MCM8: variants seen among roughly 807,000 people sequenced by gnomAD.
MCM8 encodes the protein DNA helicase MCM8.
MCM8 carries 85 observed loss-of-function variants against 98.9 expected under a neutral mutation model. The ratio of observed to expected loss-of-function variants is 0.86; its 90% CI spans 0.72 to 1.03. The LOEUF (loss-of-function observed/expected upper bound fraction) is 1.03. Among genes scored for constraint, MCM8 ranks in the 50% least tolerant of loss-of-function variants. MCM8 has a pLI of 0.00. For synonymous variants in MCM8, 352 were observed against 338.6 expected (o/e 1.04, Z -0.44); for missense variants, 951 against 997.8 (o/e 0.95, Z 0.63).
At chr20:5,994,208 C>A in intron 18 of MCM8, 91 bp from the exon 19 acceptor site, 1 of 689,188 alleles carries the variant, frequency 1.5e-6, no homozygotes, top group Non-Finnish European at 2.3e-6. Context: ...AGAAACTTTA[C>A]AGGTACATAT....
chr20:5,986,040 A>G lies in MCM8; in HGVS notation c.2072A>G (p.Asp691Gly), dbSNP rs1568597076. The change falls in exon 16 of 19, where the codon GAT becomes GGT. Residue 691 changes from aspartate to glycine, a missense_variant. By Grantham distance (94) the Asp-to-Gly change is moderately conservative. Transcript: ENST00000610722. Reference protein sequence around the residue: ...LSTEAARVLQDFYLELRKQSQ... With the variant: ...LSTEAARVLQGFYLELRKQSQ... ...ACAGAAGCTGCTCGAGTTCTTCAAG[A>G]TTTTTACCTTGAGCTCCGGAAACAG... 5 of 1,614,086 alleles carry G rather than the reference A, an allele frequency of 3.1e-6. No homozygotes were observed. In the African/African-American group the frequency reaches 5.3e-5, roughly 17 times the overall value.
rs1159217180 is a variant in MCM8 at position 5,958,746 on chromosome 20, C to T, written c.789+20C>T. On this transcript the variant is annotated intron_variant, in intron 7 of 18. Coordinates refer to ENST00000610722, the MANE Select transcript of MCM8 (RefSeq NM_032485.6). ...ACAAAGGTAATACGTTCTTTAACTG[C>T]TTCTTTATTTATCTTGGTAAAGAAG... The T allele has an allele frequency of 6.2e-7, 1 of 1,602,552 alleles. No homozygotes were observed. The highest frequency in any genetic ancestry group is 1.3e-5 in the African/African-American group (1 of 74,516).
rs574312613 is a variant in MCM8 at position 5,975,114 on chromosome 20, C to A, written c.1395+1918C>A. Reference sequence around the variant, plus strand: ...TCTCTACAAAAAAGAAAACAATTAGCTGGGCATGGTGGCGCACACCTGTAG... The same window carrying A: ...TCTCTACAAAAAAGAAAACAATTAGATGGGCATGGTGGCGCACACCTGTAG... On this transcript the variant is annotated intron_variant, in intron 12 of 18. Transcript: ENST00000610722. 3.9e-4 allele frequency among the ~76,000 whole-genome samples: 59 copies of A among 152,272 alleles called. 1 individual carries two copies. Among genetic ancestry groups the A allele is most frequent in the African/African-American group, 1.3e-3 (53 of 41,538 alleles).
At position 5,972,614 on chromosome 20, in the gene MCM8, G is replaced by T. The variant is rs370800757; in HGVS notation, c.1255-442G>T. On this transcript the variant is annotated intron_variant, in intron 11 of 18. Transcript: ENST00000610722. ...CTGTCGCCCAGGCTAGAGTACAGTG[G>T]TGCGATCTCAGCTCACTGCAACCTC... 4,268 of 469,694 alleles carry T rather than the reference G, an allele frequency of 9.1e-3. 208 individuals carry two copies. Among genetic ancestry groups the T allele is most frequent in the South Asian group, 0.064 (4,148 of 64,314 alleles). The allele number at this position is 469,694 out of a possible 1,614,324, so 29.1% of individuals were successfully genotyped here.
chr20:5,963,446 GT>G, intron 8 of MCM8, 87 bp downstream of exon 8: 1 of 934,226 alleles, frequency 1.1e-6, no homozygotes. Context: ...TATATTGTAC[GT>G]TTTATCTAAA....
chr20:5,972,573 G>T, intron 11 of MCM8: 2 of 338,894 alleles, frequency 5.9e-6, no homozygotes, highest in East Asian at 9.8e-5. Context: ...TTATTTTTTT[G>T]AGATGGAGTC....
At chr20:5,951,947 CA>C (rs1339446387) in intron 1 of MCM8, 63 bp from the exon 2 acceptor site, 1 of 1,512,030 alleles carries the variant, frequency 6.6e-7, no homozygotes, top group African/African-American at 1.4e-5. Flanking sequence ...TTTATTAATA[CA>C]TTTTTAAGAG....
At position 5,957,199 on chromosome 20, in the gene MCM8, CAATGGTA is replaced by C; in HGVS notation, c.565_571del (p.Val189CysfsTer14). 2 of 1,613,318 alleles carry C rather than the reference CAATGGTA, an allele frequency of 1.2e-6. No individual in the cohort carries two copies. The highest frequency in any genetic ancestry group is 2.2e-5 in the South Asian group (2 of 91,018). On this transcript the variant is annotated frameshift_variant, in exon 6 of 19. Coordinates refer to ENST00000610722, the MANE Select transcript of MCM8 (RefSeq NM_032485.6). LOFTEE classifies it high-confidence loss of function. ...GAAGGATTGTCTAATGATGGAGAAACAATGGTAAATGTGCCACATATTCATGCAAGGT... is the reference window on the plus strand; with the variant it reads ...GAAGGATTGTCTAATGATGGAGAAACAATGTGCCACATATTCATGCAAGGT...
chr20:5,961,956 C>A (rs1414393293), intron 7 of MCM8, among the ~76,000 whole-genome samples: 3 of 152,172 alleles, frequency 2.0e-5, no homozygotes, highest in Non-Finnish European at 4.4e-5. Context: ...GAAAATAAAG[C>A]CAATCATTTT....
intron 8 of MCM8, among the ~76,000 whole-genome samples, chr20:5,963,797 A>G (rs767123784): frequency 2.0e-5 from 3 of 152,096 alleles, no homozygotes; most frequent in Admixed American, 2.0e-4. Context: ...CAGCCTCCCA[A>G]AGTGCTGGGA....
intron 7 of MCM8, among the ~76,000 whole-genome samples, chr20:5,962,779 T>C (rs2089182098): frequency 6.6e-6 from 1 of 152,228 alleles, no homozygotes; most frequent in Non-Finnish European, 1.5e-5. Context: ...AATTTATAAA[T>C]GCTTCTTGAG....
At chr20:5,954,050 A>G (rs1308650164) in intron 3 of MCM8, among the ~76,000 whole-genome samples, 3 of 152,194 alleles carry the variant, frequency 2.0e-5, no homozygotes, top group African/African-American at 7.2e-5. Context: ...ATGGAGTTCA[A>G]GAGGTGCCTT....
chr20:5,980,978 AC>A (rs2067053064), intron 13 of MCM8, among the ~76,000 whole-genome samples: 1 of 152,150 alleles, frequency 6.6e-6, no homozygotes, highest in Non-Finnish European at 1.5e-5. Context: ...GTGTTTTAGT[AC>A]AGTCCACAAG....
At position 5,977,984 on chromosome 20, in the gene MCM8, T is replaced by A; in HGVS notation, c.1504T>A (p.Leu502Met). The A allele has an allele frequency of 3.1e-6, 5 of 1,614,216 alleles. No individual in the cohort carries two copies. The highest frequency in any genetic ancestry group is 4.2e-6 in the Non-Finnish European group (5 of 1,180,040). Reference sequence around the variant, plus strand: ...AGATAGTTCCTCTGGAGATTTTGCTTTGGAAGCTGGTGCCCTGGTACTTGG... The same window carrying A: ...AGATAGTTCCTCTGGAGATTTTGCTATGGAAGCTGGTGCCCTGGTACTTGG... The part of the protein sequence containing the change: ...SKDSSSGDFA[L>M]EAGALVLGDQ... The change falls in exon 13 of 19, where the codon TTG becomes ATG. Residue 502 changes from leucine (L) to methionine (M), a missense_variant. Physicochemically the swap from Leu to Met is conservative, Grantham distance 15. Coordinates refer to ENST00000610722, the MANE Select transcript of MCM8 (RefSeq NM_032485.6).
chr20:5,956,547 C>T (rs973895457), intron 5 of MCM8, among the ~76,000 whole-genome samples: 4 of 152,124 alleles, frequency 2.6e-5, no homozygotes, highest in African/African-American at 9.7e-5. Context: ...GCATGCACTG[C>T]CACACTTGGC....
In MCM8 at chr20:5,998,444, T is replaced by G. The variant is rs2089984701; in HGVS notation, c.*4053T>G. On this transcript the variant is annotated 3_prime_UTR_variant, in exon 19 of 19. Transcript: ENST00000610722. Reference sequence around the variant, plus strand: ...TGTGTGGTTGAGGAGACATTTAATTTCCCTGCAGCAGAATTCTTGCAGTCA... The same window carrying G: ...TGTGTGGTTGAGGAGACATTTAATTGCCCTGCAGCAGAATTCTTGCAGTCA... 1 of 152,268 alleles carries G rather than the reference T, an allele frequency of 6.6e-6. No homozygotes were observed. Among genetic ancestry groups the G allele is most frequent in the Non-Finnish European group, 1.5e-5 (1 of 68,070 alleles). The allele number at this position is 152,268 out of a possible 1,614,324, so 9.4% of individuals were successfully genotyped here.
At chr20:5,970,182 A>G (rs1169371140) in intron 10 of MCM8, among the ~76,000 whole-genome samples, 1 of 152,224 alleles carries the variant, frequency 6.6e-6, no homozygotes, top group Non-Finnish European at 1.5e-5. Flanking sequence ...GCACACTACA[A>G]GTTGAATAGT....
intron 18 of MCM8, 124 bp from the exon 19 acceptor site, chr20:5,994,175 A>T (rs2089910064): frequency 1.9e-6 from 1 of 540,256 alleles, no homozygotes; most frequent in Admixed American, 4.0e-5. Flanking sequence ...TCTGTAAGAA[A>T]TAAAAATAAT....
intron 17 of MCM8, among the ~76,000 whole-genome samples, chr20:5,987,798 A>G (rs1309539891): frequency 6.6e-6 from 1 of 152,124 alleles, no homozygotes; most frequent in African/African-American, 2.4e-5. Context: ...TCCCCTATTG[A>G]CACATAAATA....
Sources: gnomAD v4.1 joint callset for allele counts (sites outside exome capture counted in the v4.1 genomes callset) on GRCh38, gnomAD v4.1.1 for gene constraint, MANE v1.5 for transcripts, NCBI Gene and HGNC (gene_info 2026-07-23, HGNC 2026-07-21) for gene names.